The following PGPEP1L variants were observed in gnomAD, a reference collection of about 807,000 sequenced individuals.
PGPEP1L encodes pyroglutamyl-peptidase 1-like protein.
In PGPEP1L, 7 loss-of-function variants were observed where a neutral mutation model predicts 6.0. The observed-to-expected ratio is 1.17, with a 90% CI of 0.66 to 2.19. PGPEP1L has a LOEUF of 2.19. Ranked by LOEUF, PGPEP1L falls within the 30% of genes most tolerant of loss-of-function variation. The pLI is 0.00. For missense variants in PGPEP1L, 209 were observed against 192.5 expected (o/e 1.09, Z -0.51); for synonymous variants, 103 against 83.9 (o/e 1.23, Z -1.24).
rs1450112518 is a variant in PGPEP1L, at chr15:99,007,557, T to C, written c.-568A>G. On this transcript the variant is annotated 5_prime_UTR_variant, in exon 1 of 5. Transcript: ENST00000535714. ...ATCTCGCTGACTTCAGGAGTGAAGC[T>C]ACGGACCTTCATCATGAGTGCTACG... 1 of 152,200 alleles carries C rather than the reference T, an allele frequency of 6.6e-6. No individual in the cohort carries two copies. Among genetic ancestry groups the C allele is most frequent in the Non-Finnish European group, 1.5e-5 (1 of 68,042 alleles). The allele number at this position is 152,200 out of a possible 1,614,324, so 9.4% of individuals were successfully genotyped here. A position where few individuals can be genotyped will look rare whatever the true frequency, so the allele number is the denominator to read the frequency against.
intron 1 of PGPEP1L, among the ~76,000 whole-genome samples, chr15:99,007,033 T>A (rs1230865244): frequency 5.9e-5 from 9 of 152,104 alleles, no homozygotes; most frequent in African/African-American, 2.2e-4. Context: ...AGCGCTCCCT[T>A]TTAATTGGGA....
At chr15:98,974,431 C>G (rs1457460142) in intron 2 of PGPEP1L, among the ~76,000 whole-genome samples, 1 of 151,668 alleles carries the variant, frequency 6.6e-6, no homozygotes, top group African/African-American at 2.4e-5. Context: ...TACAACCTAC[C>G]AAGATTTAAC....
chr15:99,007,150 A>C (rs1555473771), intron 1 of PGPEP1L, among the ~76,000 whole-genome samples: 1 of 152,188 alleles, frequency 6.6e-6, no homozygotes, highest in African/African-American at 2.4e-5. Context: ...TTCACTGCCA[A>C]CAGGTGGGAA....
In PGPEP1L at chr15:98,969,440, G is replaced by A. The variant is rs754386904; in HGVS notation, c.194C>T (p.Ser65Phe). Residue 65 changes from serine to phenylalanine, a missense_variant, in exon 4 of 5, where the codon TCC becomes TTC. By Grantham distance (155) the Ser-to-Phe change is radical. Coordinates refer to ENST00000535714, the MANE Select transcript of PGPEP1L (RefSeq NM_001167902.2). Reference sequence around the variant, plus strand: ...CAGAGCATACCTGCCTGCATCTCGGGAAAAGATCACGTCGACACCCTCCAC... The same window carrying A: ...CAGAGCATACCTGCCTGCATCTCGGAAAAAGATCACGTCGACACCCTCCAC... ...VAVEGVDVIF[S>F]RDAGRYVCDY... The A allele has an allele frequency of 3.1e-6, 5 of 1,613,990 alleles. No homozygotes were observed. The highest frequency in any genetic ancestry group is 2.2e-5 in the South Asian group (2 of 91,072).
At chr15:98,982,330 C>T (rs1254965685) in intron 2 of PGPEP1L, among the ~76,000 whole-genome samples, 1 of 151,696 alleles carries the variant, frequency 6.6e-6, no homozygotes, top group African/African-American at 2.4e-5. Context: ...TGGACTCACA[C>T]AGTCCCCATA....
intron 2 of PGPEP1L, among the ~76,000 whole-genome samples, chr15:98,995,222 CT>C (rs2151764147): frequency 6.6e-6 from 1 of 152,278 alleles, no homozygotes; most frequent in South Asian, 2.1e-4. Context: ...TTTCTGTCTT[CT>C]TTCTGTATCT....
At chr15:98,992,312 AAC>A (rs1555472160) in intron 2 of PGPEP1L, among the ~76,000 whole-genome samples, 1 of 152,186 alleles carries the variant, frequency 6.6e-6, no homozygotes, top group East Asian at 1.9e-4. Flanking sequence ...ATAACAGACA[AAC>A]AGAGAGCCAA....
At chr15:99,004,910 G>T (rs1555473435) in intron 2 of PGPEP1L, among the ~76,000 whole-genome samples, 1 of 151,620 alleles carries the variant, frequency 6.6e-6, no homozygotes. Flanking sequence ...CTCTCGGGGG[G>T]TGCTTCACAG....
chr15:98,999,881 A>C (rs1376972597), intron 2 of PGPEP1L, among the ~76,000 whole-genome samples: 1 of 152,404 alleles, frequency 6.6e-6, no homozygotes, highest in African/African-American at 2.4e-5. Context: ...AGGTGACAGC[A>C]TGCTGGCAGT....
At chr15:98,971,481 T>G (rs979293271) in intron 2 of PGPEP1L, among the ~76,000 whole-genome samples, 2 of 151,812 alleles carry the variant, frequency 1.3e-5, no homozygotes, top group Non-Finnish European at 2.9e-5. Flanking sequence ...GTGACAGAGC[T>G]AGACTCTGTT....
intron 2 of PGPEP1L, among the ~76,000 whole-genome samples, chr15:99,004,649 C>T (rs1339375550): frequency 2.0e-5 from 3 of 152,024 alleles, no homozygotes; most frequent in Non-Finnish European, 2.9e-5. Flanking sequence ...ACCCAGGAGG[C>T]GGAGGCTGCA....
intron 2 of PGPEP1L, among the ~76,000 whole-genome samples, chr15:99,000,823 C>T (rs544566237): frequency 5.9e-5 from 9 of 152,060 alleles, no homozygotes; most frequent in East Asian, 1.9e-4. Flanking sequence ...AAGCAGGCTG[C>T]GGGAGCCAAC....
At position 98,992,729 on chromosome 15, in the gene PGPEP1L, G is replaced by A. The variant is rs2017836164; in HGVS notation, c.-142+12700C>T. Reference sequence around the variant, plus strand: ...AGGCTGCAGTAACAAAAACAGCATGGTACTAGTACCAAAACAGATATATAA... The same window carrying A: ...AGGCTGCAGTAACAAAAACAGCATGATACTAGTACCAAAACAGATATATAA... On this transcript the variant is annotated intron_variant, in intron 2 of 4. Transcript: ENST00000535714. 2.6e-5 allele frequency among the ~76,000 whole-genome samples: 4 copies of A among 152,140 alleles called. No homozygotes were observed. In the South Asian group the frequency reaches 8.3e-4, roughly 32 times the overall value.
intron 2 of PGPEP1L, among the ~76,000 whole-genome samples, chr15:98,980,029 G>A (rs889886675): frequency 1.7e-4 from 26 of 152,140 alleles, no homozygotes; most frequent in African/African-American, 5.3e-4. Flanking sequence ...CTGGGGACTC[G>A]ATGGGAAAGG....
chr15:98,981,508 A>AAAAAAAAC (rs2017662433), intron 2 of PGPEP1L, among the ~76,000 whole-genome samples: 1 of 139,670 alleles, frequency 7.2e-6, no homozygotes, highest in African/African-American at 2.8e-5. Flanking sequence ...AAAAAAAAAC[A>AAAAAAAAC]AAAACAAAAC....
At chr15:98,970,917 GTGGGGCC>G in intron 3 of PGPEP1L, 112 bp downstream of exon 3, 1 of 1,435,390 alleles carries the variant, frequency 7.0e-7, no homozygotes, top group Non-Finnish European at 9.3e-7. Context: ...TGCATGACTG[GTGGGGCC>G]TGGGGACGGG....
At chr15:98,985,556 A>G (rs1181483980) in intron 2 of PGPEP1L, among the ~76,000 whole-genome samples, 1 of 152,034 alleles carries the variant, frequency 6.6e-6, no homozygotes, top group Non-Finnish European at 1.5e-5. Flanking sequence ...CAAACAAACA[A>G]CCAAACAAAA....
intron 2 of PGPEP1L, among the ~76,000 whole-genome samples, chr15:98,977,061 G>A (rs1262787244): frequency 1.3e-5 from 2 of 149,716 alleles, no homozygotes; most frequent in Admixed American, 6.7e-5. Context: ...GTTTGAGTAT[G>A]GAACCAGGCC....
Position 98,968,439 on chromosome 15 carries a change from T to C in PGPEP1L, c.*39A>G, listed in dbSNP as rs369167029. 221 of 1,582,232 alleles carry C rather than the reference T, an allele frequency of 1.4e-4. No homozygotes were observed. The highest frequency in any genetic ancestry group is 1.6e-4 in the Non-Finnish European group (187 of 1,159,860). On this transcript the variant is annotated 3_prime_UTR_variant, in exon 5 of 5. Transcript: ENST00000535714. ...GCACAGTTGAGTGCTACATACAGGA[T>C]TGAAACATTCAATTTTCTCTAGAGG...
Sources: gnomAD v4.1 joint callset for allele counts (sites outside exome capture counted in the v4.1 genomes callset) on GRCh38, gnomAD v4.1.1 for gene constraint, MANE v1.5 for transcripts, NCBI Gene and HGNC (gene_info 2026-07-23, HGNC 2026-07-21) for gene names.